Variants in GULP1 observed in about 807,000 individuals in gnomAD.
The protein encoded by GULP1 is GULP PTB domain containing engulfment adaptor 1.
GULP1 carries 19 observed loss-of-function variants against 40.9 expected under a neutral mutation model. That is an observed-to-expected ratio of 0.46 (90% CI 0.32 to 0.68). The LOEUF (loss-of-function observed/expected upper bound fraction) is 0.68. GULP1 is among the 30% of genes least tolerant of loss of function. The pLI is 0.03. For missense variants in GULP1, 312 were observed against 362.2 expected (o/e 0.86, Z 1.12); for synonymous variants, 119 against 117.6 (o/e 1.01, Z -0.08).
At chr2:188,449,263 A>G (rs971445333) in intron 2 of GULP1, among the ~76,000 whole-genome samples, 2 of 152,068 alleles carry the variant, frequency 1.3e-5, no homozygotes, top group African/African-American at 4.8e-5. Flanking sequence ...TAGTAATTCT[A>G]TTTTCATTTA....
chr2:188,411,538 T>A (rs1304769555), intron 2 of GULP1, among the ~76,000 whole-genome samples: 3 of 152,290 alleles, frequency 2.0e-5, no homozygotes, highest in African/African-American at 7.2e-5. Flanking sequence ...GAAAGGGTCA[T>A]CCTACCCAGT....
At chr2:188,589,175 A>G (rs960909566) in intron 11 of GULP1, 3 of 152,190 alleles carry the variant, frequency 2.0e-5, no homozygotes, top group African/African-American at 7.2e-5. Flanking sequence ...TAAATTATAA[A>G]TTAAATGAAA....
chr2:188,478,935 T>C (rs2061241580), intron 3 of GULP1, among the ~76,000 whole-genome samples: 1 of 152,098 alleles, frequency 6.6e-6, no homozygotes, highest in South Asian at 2.1e-4. Context: ...AAGACTGAGA[T>C]GACTTCAGGA....
chr2:188,576,317 T>C (rs947131051), intron 9 of GULP1, among the ~76,000 whole-genome samples: 2 of 152,134 alleles, frequency 1.3e-5, no homozygotes, highest in African/African-American at 2.4e-5. Flanking sequence ...AATATAACTT[T>C]GGTCACTGTG....
intron 2 of GULP1, among the ~76,000 whole-genome samples, chr2:188,426,627 T>C (rs528337575): frequency 6.6e-6 from 1 of 152,360 alleles, no homozygotes; most frequent in African/African-American, 2.4e-5. Context: ...TTGGTTATCT[T>C]ATACAACAGT....
chr2:188,592,555 A>C (rs1324167377), intron 11 of GULP1: 1 of 152,048 alleles, frequency 6.6e-6, no homozygotes, highest in Non-Finnish European at 1.5e-5. Flanking sequence ...ATTGTATTCC[A>C]AGTACTGGAA....
At chr2:188,398,526 G>A (rs950033531) in intron 2 of GULP1, among the ~76,000 whole-genome samples, 1 of 152,108 alleles carries the variant, frequency 6.6e-6, no homozygotes, top group African/African-American at 2.4e-5. Context: ...AAGAGAAAGA[G>A]TTATGTATAT....
chr2:188,584,245 T>C lies in GULP1; in HGVS notation c.610-20T>C. 1 of 1,554,210 alleles carries C rather than the reference T, an allele frequency of 6.4e-7. No homozygotes were observed. Among genetic ancestry groups the C allele is most frequent in the Non-Finnish European group, 8.9e-7 (1 of 1,128,108 alleles). On this transcript the variant is annotated intron_variant, in intron 9 of 11. Transcript: ENST00000409830. The stretch of plus-strand genomic sequence containing the variant: ...GTGTCTATATGAAATATTACCCTAA[T>C]TCATTTATTTTCATTGCAGGCAGGC...
intron 2 of GULP1, among the ~76,000 whole-genome samples, chr2:188,445,312 A>G (rs2058291398): frequency 6.6e-6 from 1 of 152,102 alleles, no homozygotes; most frequent in Non-Finnish European, 1.5e-5. Context: ...AAAAACAAAA[A>G]CACTGAAAGC....
chr2:188,541,062 T>G, intron 6 of GULP1, 119 bp from the exon 7 acceptor site: 2 of 831,618 alleles, frequency 2.4e-6, no homozygotes, highest in Non-Finnish European at 3.8e-6. Flanking sequence ...AATTATAAAA[T>G]CAAAGATTGA....
chr2:188,474,108 A>G (rs1050033729), intron 2 of GULP1, among the ~76,000 whole-genome samples: 2 of 152,146 alleles, frequency 1.3e-5, no homozygotes, highest in African/African-American at 2.4e-5. Context: ...GGTACCTGAT[A>G]ACTCTGACAG....
intron 4 of GULP1, among the ~76,000 whole-genome samples, chr2:188,494,473 A>G (rs112712482): frequency 0.013 from 1,927 of 152,066 alleles, 41 homozygotes; most frequent in African/African-American, 0.044. Flanking sequence ...TCAAAATGCT[A>G]TAACAATTGG....
chr2:188,567,314 A>G (rs1697961014), intron 7 of GULP1, among the ~76,000 whole-genome samples: 2 of 152,212 alleles, frequency 1.3e-5, no homozygotes, highest in Admixed American at 6.5e-5. Flanking sequence ...TCATGCTACT[A>G]TAAAGACAAA....
chr2:188,364,988 C>T (rs1433667453), intron 1 of GULP1, among the ~76,000 whole-genome samples: 2 of 151,644 alleles, frequency 1.3e-5, no homozygotes, highest in Non-Finnish European at 2.9e-5. Flanking sequence ...ACATCCACCA[C>T]TGGAGTGGTT....
chr2:188,337,178 A>G (rs548311220), intron 1 of GULP1, among the ~76,000 whole-genome samples: 62 of 151,810 alleles, frequency 4.1e-4, no homozygotes, highest in African/African-American at 1.5e-3. Flanking sequence ...TTGTTCTGTC[A>G]TCCAGGCTGG....
At chr2:188,587,823 T>C (rs1359154538) in intron 10 of GULP1, 32 bp from the exon 11 acceptor site, 2 of 1,199,266 alleles carry the variant, frequency 1.7e-6, no homozygotes, top group Admixed American at 1.8e-5. Flanking sequence ...CTTCTTGTTA[T>C]TTCATTTACT....
At chr2:188,306,939 A>G (rs2037194078) in intron 1 of GULP1, among the ~76,000 whole-genome samples, 1 of 152,196 alleles carries the variant, frequency 6.6e-6, no homozygotes, top group Non-Finnish European at 1.5e-5. Context: ...TGTGTATTTG[A>G]TGACTATCAA....
rs972313587 is a variant in GULP1, at chr2:188,343,110, A to G, written c.-171-40653A>G. ...AAAGACACACTAAAGTTGACATCAGACAAATCTGGATGTTATTCTCAGCAT... is the reference window on the plus strand; with the variant it reads ...AAAGACACACTAAAGTTGACATCAGGCAAATCTGGATGTTATTCTCAGCAT... On this transcript the variant is annotated intron_variant, in intron 1 of 11. Coordinates refer to ENST00000409830, the MANE Select transcript of GULP1 (RefSeq NM_016315.4). Among the ~76,000 whole-genome samples the G allele has an allele frequency of 2.0e-5, 3 of 152,176 alleles. No homozygotes were observed. In the East Asian group the frequency reaches 5.8e-4, roughly 29 times the overall value.
intron 7 of GULP1, among the ~76,000 whole-genome samples, chr2:188,546,143 C>T (rs1419353524): frequency 6.6e-6 from 1 of 151,928 alleles, no homozygotes; most frequent in Non-Finnish European, 1.5e-5. Flanking sequence ...CGAAATTTTA[C>T]TGGCACTTTC....
Sources: gnomAD v4.1 joint callset for allele counts (sites outside exome capture counted in the v4.1 genomes callset) on GRCh38, gnomAD v4.1.1 for gene constraint, MANE v1.5 for transcripts, NCBI Gene and HGNC (gene_info 2026-07-23, HGNC 2026-07-21) for gene names.